The following COL14A1 variants were observed in gnomAD, a reference collection of about 807,000 sequenced individuals.
COL14A1 encodes the protein collagen type XIV alpha 1 chain.
In COL14A1, 136 loss-of-function variants were observed where a neutral mutation model predicts 230.3. That is an observed-to-expected ratio of 0.59 (90% CI 0.51 to 0.68). COL14A1 has a LOEUF of 0.68. COL14A1 is among the 30% of genes least tolerant of loss of function. The pLI, the probability that COL14A1 is intolerant of heterozygous loss-of-function variation, is 0.00. For synonymous variants in COL14A1, 792 were observed against 784.1 expected (o/e 1.01, Z -0.17); for missense variants, 1,976 against 2,215.8 (o/e 0.89, Z 2.17).
In COL14A1 at chr8:120,372,992, A is replaced by G. The variant is rs773989890; in HGVS notation, c.*1761A>G. 6.6e-5 allele frequency among the ~76,000 whole-genome samples: 10 copies of G among 152,204 alleles called. No homozygotes were observed. Among genetic ancestry groups the G allele is most frequent in the Non-Finnish European group, 1.5e-4 (10 of 68,032 alleles). ...AGGAAAACTTGTCTAAGGCTCATCA[A>G]GATGGCCTGACCCAGAGTCACCTAA... On this transcript the variant is annotated 3_prime_UTR_variant, in exon 48 of 48. Coordinates refer to ENST00000297848, the MANE Select transcript of COL14A1 (RefSeq NM_021110.4).
intron 24 of COL14A1, among the ~76,000 whole-genome samples, chr8:120,265,773 C>T (rs1819485233): frequency 6.6e-6 from 1 of 151,812 alleles, no homozygotes; most frequent in Non-Finnish European, 1.5e-5. Flanking sequence ...TATATAGTTA[C>T]CTCATTCTTT....
intron 14 of COL14A1, among the ~76,000 whole-genome samples, chr8:120,217,950 TTATATAATATATATAATTTAAA>T (rs2130781718): frequency 7.0e-6 from 1 of 143,540 alleles, no homozygotes; most frequent in African/African-American, 2.6e-5. Context: ...TTAGGCTATA[TTATATAATATATATAATTTAAA>T]TATATAATAT....
At chr8:120,128,371 T>C (rs754218176) in intron 1 of COL14A1, among the ~76,000 whole-genome samples, 5 of 152,160 alleles carry the variant, frequency 3.3e-5, no homozygotes, top group Non-Finnish European at 5.9e-5. Flanking sequence ...ATATTCCTCC[T>C]TTAGCAATCA....
chr8:120,353,898 C>T lies in COL14A1; in HGVS notation c.5077+8335C>T, dbSNP rs201528512. ...CAGCCATCCCATTACTGGGTATATA[C>T]CCAAAGGACTATAAATCATGCTGCT... On this transcript the variant is annotated intron_variant, in intron 45 of 47. Transcript: ENST00000297848. Among the ~76,000 whole-genome samples the T allele has an allele frequency of 7.1e-3, 1,076 of 151,088 alleles. 37 individuals carry two copies. The highest frequency in any genetic ancestry group is 0.051 in the Admixed American group (781 of 15,182).
intron 47 of COL14A1, among the ~76,000 whole-genome samples, chr8:120,369,718 A>C (rs1487975103): frequency 1.3e-5 from 2 of 152,200 alleles, no homozygotes; most frequent in Non-Finnish European, 2.9e-5. Flanking sequence ...CAGCACATCT[A>C]AGTCTTCCTT....
intron 19 of COL14A1, among the ~76,000 whole-genome samples, chr8:120,233,295 G>A (rs1818337908): frequency 6.6e-6 from 1 of 152,054 alleles, no homozygotes; most frequent in Non-Finnish European, 1.5e-5. Flanking sequence ...GTCTATTTTG[G>A]CTTTTGTTGC....
chr8:120,227,640 C>T (rs1818140703), intron 17 of COL14A1, among the ~76,000 whole-genome samples: 1 of 151,902 alleles, frequency 6.6e-6, no homozygotes, highest in Non-Finnish European at 1.5e-5. Flanking sequence ...GAGTAAACAC[C>T]CATCAAATGG....
At chr8:120,141,071 G>A (rs551731439) in intron 1 of COL14A1, among the ~76,000 whole-genome samples, 12 of 152,126 alleles carry the variant, frequency 7.9e-5, no homozygotes, top group Admixed American at 4.6e-4. Flanking sequence ...AACAAATTAG[G>A]TTTGACATTT....
intron 33 of COL14A1, among the ~76,000 whole-genome samples, chr8:120,289,259 A>G (rs1289335624): frequency 6.6e-6 from 1 of 152,126 alleles, no homozygotes; most frequent in Non-Finnish European, 1.5e-5. Context: ...TTTAATTTTA[A>G]TATTTTTGTG....
intron 21 of COL14A1, among the ~76,000 whole-genome samples, chr8:120,249,093 A>ATTTT (rs773091250): frequency 0.016 from 2,012 of 127,848 alleles, 45 homozygotes; most frequent in African/African-American, 0.053. Flanking sequence ...CGCCCGGCTA[A>ATTTT]TTTTTTTTTT....
intron 19 of COL14A1, among the ~76,000 whole-genome samples, chr8:120,240,885 A>G (rs1341998526): frequency 6.6e-6 from 1 of 152,194 alleles, no homozygotes; most frequent in South Asian, 2.1e-4. Context: ...AGTACCTGTC[A>G]AATATTTTGT....
intron 25 of COL14A1, among the ~76,000 whole-genome samples, chr8:120,269,397 C>A: frequency 6.6e-6 from 1 of 151,632 alleles, no homozygotes; most frequent in Non-Finnish European, 1.5e-5. Flanking sequence ...ATCTGTAATA[C>A]CTACTGATAA....
chr8:120,312,783 A>G (rs1821085844), intron 37 of COL14A1, among the ~76,000 whole-genome samples: 1 of 152,164 alleles, frequency 6.6e-6, no homozygotes, highest in Non-Finnish European at 1.5e-5. Flanking sequence ...ATCTACCCAC[A>G]CTTTACCCCA....
chr8:120,191,774 G>A (rs918038945), intron 5 of COL14A1, among the ~76,000 whole-genome samples: 5 of 151,954 alleles, frequency 3.3e-5, no homozygotes, highest in African/African-American at 1.2e-4. Flanking sequence ...TCTTCTTGTT[G>A]AATTGATCCC....
At chr8:120,167,043 A>C (rs1448320175) in intron 4 of COL14A1, among the ~76,000 whole-genome samples, 1 of 152,004 alleles carries the variant, frequency 6.6e-6, no homozygotes, top group African/African-American at 2.4e-5. Context: ...GGTATCTTAC[A>C]TTTTTATTTT....
In COL14A1 at chr8:120,203,714, A is replaced by G. The variant is rs1167593568; in HGVS notation, c.883A>G (p.Lys295Glu). ...TTTTTTGTCCTCTGTGTAAGGGGTG[A>G]AAAACGCGGATGTGAATGAGCTGCA... ...SGVELFAIGV[K>E]NADVNELQEI... is the part of the protein sequence containing the mutation. Residue 295 changes from lysine (K) to glutamate (E), a missense_variant, in exon 9 of 48, where the codon AAA (lysine) becomes GAA (glutamate). Around this residue, in one of 3 missense-constraint regions of COL14A1, gnomAD observed 1,791 missense variants for 2,019.5 expected, o/e 0.89. Transcript: ENST00000297848. 1 of 1,613,508 alleles carries G rather than the reference A, an allele frequency of 6.2e-7. No individual in the cohort carries two copies. Among genetic ancestry groups the G allele is most frequent in the Admixed American group, 1.7e-5 (1 of 59,940 alleles).
At chr8:120,328,055 C>T (rs939806544) in intron 40 of COL14A1, among the ~76,000 whole-genome samples, 1 of 152,188 alleles carries the variant, frequency 6.6e-6, no homozygotes, top group African/African-American at 2.4e-5. Flanking sequence ...TGAGCCACTG[C>T]ACCTGGCCAT....
chr8:120,188,573 C>A (rs914698083), intron 5 of COL14A1, among the ~76,000 whole-genome samples: 1 of 152,144 alleles, frequency 6.6e-6, no homozygotes, highest in African/African-American at 2.4e-5. Context: ...TCTTTGTAAT[C>A]AAGGCCATAT....
At chr8:120,361,525 GT>G (rs1823215525) in intron 45 of COL14A1, among the ~76,000 whole-genome samples, 1 of 152,210 alleles carries the variant, frequency 6.6e-6, no homozygotes, top group African/African-American at 2.4e-5. Context: ...GCTAGGTCCA[GT>G]ACCTTGCTCT....
Sources: allele counts gnomAD v4.1 joint callset (sites outside exome capture counted in the v4.1 genomes callset), GRCh38; gene constraint gnomAD v4.1.1; regional missense constraint gnomAD v4.1.1; transcripts MANE v1.5; gene names NCBI Gene and HGNC (gene_info 2026-07-23, HGNC 2026-07-21).